Variants in KLHL4 observed in about 807,000 individuals in gnomAD.
KLHL4 encodes kelch like family member 4.
Under a neutral mutation model 45.8 loss-of-function variants are expected in KLHL4, and 17 were observed. That is an observed-to-expected ratio of 0.37 (90% CI 0.25 to 0.56). The LOEUF (loss-of-function observed/expected upper bound fraction) is 0.56, where lower values mean the gene tolerates loss of function less well. Among genes scored for constraint, KLHL4 ranks in the 20% least tolerant of loss-of-function variants. The pLI, the probability that KLHL4 is intolerant of heterozygous loss-of-function variation, is 0.79. For missense variants in KLHL4, 544 were observed against 544.9 expected (o/e 1.00, Z 0.02); for synonymous variants, 224 against 189.9 (o/e 1.18, Z -1.47).
rs181813332 is a variant in KLHL4 at position 87,649,954 on chromosome X, T to G, written c.1925+14179T>G. Among the ~76,000 whole-genome samples the G allele has an allele frequency of 2.2e-3, 250 of 111,454 alleles. 1 individual carries two copies. The highest frequency in any genetic ancestry group is 7.8e-3 in the African/African-American group (239 of 30,581). On this transcript the variant is annotated intron_variant, in intron 9 of 10. Transcript: ENST00000373119. ...TTCTTAATCAGGGAAGCAGTAAACC[T>G]CCAACTTTGTTCATTTTCTAGATTG...
At chrX:87,613,809 T>G in intron 1 of KLHL4, 68 bp from the exon 2 acceptor site, 2 of 835,797 alleles carry the variant, frequency 2.4e-6, no homozygotes, top group Non-Finnish European at 1.6e-6. Context: ...GTACTCTCAT[T>G]AGAGAAAAAT....
chrX:87,517,991 G>A lies in KLHL4; in HGVS notation c.98G>A (p.Gly33Glu). 8.3e-7 allele frequency: 1 copy of A among 1,211,500 alleles called. No individual in the cohort carries two copies. Among genetic ancestry groups the A allele is most frequent in the Non-Finnish European group, 1.1e-6 (1 of 895,417 alleles). ...CCTTTTCAAGGTTCCACCAACACTG[G>A]AAGCTGTCTTCAGCAGGAAGGATAT... Reference protein sequence around the residue: ...SHPFQGSTNTGSCLQQEGYEH... With the variant: ...SHPFQGSTNTESCLQQEGYEH... Residue 33 changes from glycine (G) to glutamate (E), a missense_variant, in exon 1 of 11, where the codon GGA becomes GAA. By Grantham distance (98) the Gly-to-Glu change is moderately conservative (BLOSUM62 -2). Transcript: ENST00000373119.
chrX:87,610,266 G>C (rs1922328512), intron 1 of KLHL4, among the ~76,000 whole-genome samples: 1 of 112,021 alleles, frequency 8.9e-6, no homozygotes, highest in Non-Finnish European at 1.9e-5. Context: ...AGTTTGTTGT[G>C]TTTACTGCTA....
At chrX:87,644,825 T>C (rs929075938) in intron 9 of KLHL4, among the ~76,000 whole-genome samples, 1 of 111,844 alleles carries the variant, frequency 8.9e-6, no homozygotes, top group Non-Finnish European at 1.9e-5. Context: ...CAGCAAATCA[T>C]GCTGGGATTA....
intron 6 of KLHL4, 130 bp from the exon 7 acceptor site, chrX:87,632,080 C>A (rs1923113824): frequency 2.3e-6 from 1 of 432,576 alleles, no homozygotes; most frequent in African/African-American, 2.5e-5. Flanking sequence ...ACCTGAGCTA[C>A]TTACTTAATT....
intron 1 of KLHL4, among the ~76,000 whole-genome samples, chrX:87,522,987 T>A (rs184009913): frequency 8.9e-6 from 1 of 111,981 alleles, no homozygotes; most frequent in East Asian, 2.8e-4. Context: ...ATCTTGGTGA[T>A]ACTTTGGAGA....
chrX:87,614,783 C>G (rs754845930), intron 3 of KLHL4, among the ~76,000 whole-genome samples: 58 of 110,103 alleles, frequency 5.3e-4, no homozygotes, highest in African/African-American at 1.9e-3. Flanking sequence ...GATATAAACT[C>G]GATAATATAA....
Position 87,607,256 on chromosome X carries a change from C to T in KLHL4, c.423-6621C>T, listed in dbSNP as rs780977456. ...CCAGCAATAACATGTTGCACCCTAG[C>T]GCAACTCTCAAATCTTGTGGCCACA... On this transcript the variant is annotated intron_variant, in intron 1 of 10. Transcript: ENST00000373119. Among the ~76,000 whole-genome samples the T allele has an allele frequency of 1.6e-4, 18 of 110,856 alleles. No homozygotes were observed. In the South Asian group the frequency reaches 4.2e-3, roughly 26 times the overall value.
At chrX:87,527,690 G>A (rs745583223) in intron 1 of KLHL4, among the ~76,000 whole-genome samples, 34 of 108,907 alleles carry the variant, frequency 3.1e-4, no homozygotes, top group Non-Finnish European at 6.1e-4. Flanking sequence ...CAGCAAAACG[G>A]TGACACTGCC....
Position 87,667,119 on chromosome X carries a change from G to T in KLHL4, c.*585G>T. 4 of 752,273 alleles carry T rather than the reference G, an allele frequency of 5.3e-6. No individual in the cohort carries two copies. Among genetic ancestry groups the T allele is most frequent in the Non-Finnish European group, 4.7e-6 (3 of 637,866 alleles). 62.0% of individuals were successfully genotyped at this position (752,273 alleles called of 1,213,427 possible). Reference sequence around the variant, plus strand: ...AAATAATGGCTCTTTGACAAAACTTGTTATGTTGATCGCGGTATGTCAAAA... The same window carrying T: ...AAATAATGGCTCTTTGACAAAACTTTTTATGTTGATCGCGGTATGTCAAAA... On this transcript the variant is annotated 3_prime_UTR_variant, in exon 11 of 11. Transcript: ENST00000373119.
intron 9 of KLHL4, among the ~76,000 whole-genome samples, chrX:87,646,928 A>G (rs1243764445): frequency 9.0e-6 from 1 of 111,659 alleles, no homozygotes; most frequent in East Asian, 2.8e-4. Context: ...TCTGCACAGC[A>G]GAAGAAATAA....
chrX:87,566,388 G>A (rs1277829037), intron 1 of KLHL4, among the ~76,000 whole-genome samples: 1 of 111,151 alleles, frequency 9.0e-6, no homozygotes, highest in Non-Finnish European at 1.9e-5. Context: ...TCCATCATAA[G>A]TTGAAAATAC....
intron 1 of KLHL4, among the ~76,000 whole-genome samples, chrX:87,581,892 G>A (rs1228001884): frequency 6.2e-5 from 7 of 112,033 alleles, no homozygotes; most frequent in Non-Finnish European, 1.3e-4. Context: ...GCTTCAGAAT[G>A]TGGGTAAAAA....
rs1178733729 is a variant in KLHL4, at chrX:87,659,113, CTTTTTTT to C, written c.1926-5633_1926-5627del. ...TTCATATTTCTTTATTCTTTTCTTT[CTTTTTTT>C]TTTTTTTTTTTTTTTTTGAGGTGGA... On this transcript the variant is annotated intron_variant, in intron 9 of 10. Transcript: ENST00000373119. Among the ~76,000 whole-genome samples the C allele has an allele frequency of 3.3e-4, 15 of 45,102 alleles. No individual in the cohort carries two copies. The East Asian group carries it at 6.5e-3, about 19-fold the overall frequency. The allele number at this position is 45,102 out of a possible 115,157, so 39.2% of individuals were successfully genotyped here.
At chrX:87,580,706 G>A (rs1376623577) in intron 1 of KLHL4, among the ~76,000 whole-genome samples, 2 of 111,767 alleles carry the variant, frequency 1.8e-5, no homozygotes, top group African/African-American at 3.3e-5. Context: ...CAATATCAGA[G>A]CATCTACATA....
intron 1 of KLHL4, among the ~76,000 whole-genome samples, chrX:87,554,031 T>A (rs1453255568): frequency 9.4e-6 from 1 of 106,878 alleles, no homozygotes; most frequent in Non-Finnish European, 1.9e-5. Flanking sequence ...TAATTGTAGA[T>A]ATGCGGCATT....
intron 7 of KLHL4, among the ~76,000 whole-genome samples, chrX:87,632,901 GA>G (rs1262524518): frequency 9.0e-6 from 1 of 111,240 alleles, no homozygotes; most frequent in African/African-American, 3.3e-5. Context: ...CTGAACAACA[GA>G]AAAATTTCCT....
intron 5 of KLHL4, 107 bp downstream of exon 5, chrX:87,622,530 T>A: frequency 2.0e-6 from 1 of 508,125 alleles, no homozygotes; most frequent in Non-Finnish European, 3.2e-6. Context: ...TTCCTGGTAA[T>A]TTGAGTGTAC....
At chrX:87,616,145 T>C (rs1270740341) in intron 3 of KLHL4, among the ~76,000 whole-genome samples, 2 of 111,024 alleles carry the variant, frequency 1.8e-5, no homozygotes, top group Non-Finnish European at 3.8e-5. Context: ...AAAACCTGTG[T>C]GGTAACAACT....
Sources: allele counts gnomAD v4.1 joint callset (sites outside exome capture counted in the v4.1 genomes callset), GRCh38; gene constraint gnomAD v4.1.1; transcripts MANE v1.5; gene names NCBI Gene and HGNC (gene_info 2026-07-23, HGNC 2026-07-21).